The following RBBP4 variants were observed in gnomAD, a reference collection of about 807,000 sequenced individuals.
The protein encoded by RBBP4 is RB binding protein 4, chromatin remodeling factor.
RBBP4 carries 3 observed loss-of-function variants against 57.2 expected under a neutral mutation model. The ratio of observed to expected loss-of-function variants is 0.05; its 90% CI spans 0.02 to 0.14. The LOEUF is 0.14. Ranked by LOEUF, RBBP4 falls within the 10% of genes least tolerant of loss-of-function variation. The pLI is 1.00. For missense variants in RBBP4, 107 were observed against 520.6 expected, an observed-to-expected ratio of 0.21 and a Z score of 7.73; for synonymous variants, 151 against 171.5, an observed-to-expected ratio of 0.88 and a Z score of 0.93.
intron 4 of RBBP4, 88 bp downstream of exon 4, chr1:32,668,486 G>C (rs964350897): frequency 1.5e-6 from 2 of 1,313,378 alleles, no homozygotes; most frequent in Non-Finnish European, 2.1e-6. Flanking sequence ...ATGTTACTCT[G>C]TGTAATTTAA....
chr1:32,655,691 AT>A (rs1280488742), intron 2 of RBBP4, among the ~76,000 whole-genome samples: 6 of 152,150 alleles, frequency 3.9e-5, no homozygotes, highest in Non-Finnish European at 5.9e-5. Flanking sequence ...TGTAAATGGA[AT>A]TATTCCTTAC....
chr1:32,652,543 TTTTG>T (rs1369306044), intron 2 of RBBP4: 1 of 153,148 alleles, frequency 6.5e-6, no homozygotes, highest in Non-Finnish European at 1.5e-5. Flanking sequence ...AACAAAAATT[TTTTG>T]TTTTTCTTTT....
intron 3 of RBBP4, among the ~76,000 whole-genome samples, chr1:32,666,089 G>C (rs1466753031): frequency 6.6e-6 from 1 of 152,096 alleles, no homozygotes; most frequent in Non-Finnish European, 1.5e-5. Context: ...TTTCAACCAG[G>C]GACTTTTGTT....
At chr1:32,653,462 C>T (rs1402585224) in intron 2 of RBBP4, among the ~76,000 whole-genome samples, 1 of 151,804 alleles carries the variant, frequency 6.6e-6, no homozygotes, top group Non-Finnish European at 1.5e-5. Flanking sequence ...TGATGTAGCT[C>T]AACAAATGAT....
chr1:32,682,038 G>C lies in RBBP4; in HGVS notation c.*2333G>C. ...AGAATGAATGGTGATGGTGATGGGA[G>C]GGATAGTTAAACGTTTTCTCTGCTA... is the stretch of plus-strand genomic sequence containing the variant. On this transcript the variant is annotated 3_prime_UTR_variant, in exon 12 of 12. Transcript: ENST00000373493. The C allele has an allele frequency of 1.7e-6, 1 of 593,810 alleles. No individual in the cohort carries two copies. Among genetic ancestry groups the C allele is most frequent in the Non-Finnish European group, 3.0e-6 (1 of 333,432 alleles). 36.8% of individuals were successfully genotyped at this position (593,810 alleles called of 1,614,324 possible). A position where few individuals can be genotyped will look rare whatever the true frequency, so the allele number is the denominator to read the frequency against.
intron 4 of RBBP4, 60 bp downstream of exon 4, chr1:32,668,458 CACTG>C (rs1648744338): frequency 1.4e-6 from 2 of 1,449,424 alleles, no homozygotes; most frequent in Middle Eastern, 1.8e-4. Context: ...TGGTTCCACT[CACTG>C]TGAGTTTAAT....
chr1:32,681,097 C>G lies in RBBP4; in HGVS notation c.*1392C>G, dbSNP rs1236428290. The G allele has an allele frequency of 6.5e-6, 1 of 152,674 alleles. No individual in the cohort carries two copies. Among genetic ancestry groups the G allele is most frequent in the Admixed American group, 6.5e-5 (1 of 15,272 alleles). The allele number at this position is 152,674 out of a possible 1,614,324, so 9.5% of individuals were successfully genotyped here. On this transcript the variant is annotated 3_prime_UTR_variant, in exon 12 of 12. Transcript: ENST00000373493. ...GGCCTCTATCACCAGATGCAATAAC[C>G]AGATAAAATTCCTGTTTTTTCCCAA...
intron 2 of RBBP4, chr1:32,652,293 G>A (rs1570822975): frequency 2.1e-6 from 1 of 478,014 alleles, no homozygotes; most frequent in East Asian, 3.4e-5. Flanking sequence ...AATAGCTGTA[G>A]CTGATGATAA....
chr1:32,672,583 C>T, intron 9 of RBBP4, 57 bp downstream of exon 9: 1 of 1,597,214 alleles, frequency 6.3e-7, no homozygotes, highest in South Asian at 1.1e-5. Context: ...TTACACTTTG[C>T]AAAGGTAGTT....
chr1:32,651,780 T>C, intron 1 of RBBP4, 134 bp from the exon 2 acceptor site: 1 of 1,064,492 alleles, frequency 9.4e-7, no homozygotes, highest in Admixed American at 2.4e-5. Context: ...AGAGTGTGGA[T>C]GCCTCTGCCG....
intron 3 of RBBP4, 75 bp downstream of exon 3, chr1:32,657,647 C>T: frequency 6.8e-7 from 1 of 1,473,752 alleles, no homozygotes; most frequent in Non-Finnish European, 9.2e-7. Flanking sequence ...AAAGTAAACT[C>T]TGACTTTAGA....
chr1:32,669,367 G>C lies in RBBP4; in HGVS notation c.888+10G>C. ...AGGATCAGCTGACAAGGTCAGTTTCGTTTATTTTAATAGAAAACATAATTT... is the reference window on the plus strand; with the variant it reads ...AGGATCAGCTGACAAGGTCAGTTTCCTTTATTTTAATAGAAAACATAATTT... On this transcript the variant is annotated intron_variant, in intron 7 of 11. Coordinates refer to ENST00000373493, the MANE Select transcript of RBBP4 (RefSeq NM_005610.3). This position sits in a 1 kb window ranked among gnomAD's most constrained non-coding sequence, Gnocchi z 4.9. The C allele has an allele frequency of 2.5e-6, 4 of 1,589,492 alleles. No homozygotes were observed. The highest frequency in any genetic ancestry group is 3.4e-6 in the Non-Finnish European group (4 of 1,173,794).
At chr1:32,676,196 T>C (rs1649094816) in intron 11 of RBBP4, among the ~76,000 whole-genome samples, 1 of 152,078 alleles carries the variant, frequency 6.6e-6, no homozygotes, top group Admixed American at 6.6e-5. Context: ...AAGAAAGAAG[T>C]ACGGTTAGGG....
Position 32,651,897 on chromosome 1 carries a change from G to A in RBBP4, c.17-17G>A. On this transcript the variant is annotated splice_polypyrimidine_tract_variant and intron_variant, in intron 1 of 11. Coordinates refer to ENST00000373493, the MANE Select transcript of RBBP4 (RefSeq NM_005610.3). Reference sequence around the variant, plus strand: ...TCCGTTTGTTTGCTAACTTAAATTTGTTTTTAAAAATTTTAGCAGCCTTCG... The same window carrying A: ...TCCGTTTGTTTGCTAACTTAAATTTATTTTTAAAAATTTTAGCAGCCTTCG... 1 of 1,612,698 alleles carries A rather than the reference G, an allele frequency of 6.2e-7. No individual in the cohort carries two copies. The highest frequency in any genetic ancestry group is 8.5e-7 in the Non-Finnish European group (1 of 1,179,394).
At chr1:32,674,339 T>G (rs1649004877) in intron 11 of RBBP4, among the ~76,000 whole-genome samples, 1 of 152,084 alleles carries the variant, frequency 6.6e-6, no homozygotes, top group Non-Finnish European at 1.5e-5. Context: ...GCTCAAGACA[T>G]CCTCCTACCT....
intron 11 of RBBP4, among the ~76,000 whole-genome samples, chr1:32,677,483 A>AAAC (rs1649154295): frequency 7.5e-6 from 1 of 133,796 alleles, no homozygotes; most frequent in South Asian, 2.4e-4. Flanking sequence ...AAAAAAAAAC[A>AAAC]AAACAAAAAA....
chr1:32,678,233 T>TG (rs1394054211), intron 11 of RBBP4, among the ~76,000 whole-genome samples: 1 of 152,194 alleles, frequency 6.6e-6, no homozygotes, highest in African/African-American at 2.4e-5. Flanking sequence ...TTGCCTGTTT[T>TG]GGACCCCTGT....
Position 32,684,183 on chromosome 1 carries a change from TA to T in RBBP4, c.*4482del. The stretch of plus-strand genomic sequence containing the variant: ...CCTCTTTTTGTTTTTGATTCTAAGG[TA>T]AAATTTTCCCTAAGCCCTCCCACCA... On this transcript the variant is annotated 3_prime_UTR_variant, in exon 12 of 12. Transcript: ENST00000373493. The T allele has an allele frequency of 6.2e-7, 1 of 1,605,796 alleles. No homozygotes were observed. Among genetic ancestry groups the T allele is most frequent in the Non-Finnish European group, 8.5e-7 (1 of 1,174,758 alleles).
In RBBP4 at chr1:32,670,748, T is replaced by C. The variant is rs541798280; in HGVS notation, c.966+1185T>C. On this transcript the variant is annotated intron_variant, in intron 8 of 11. Transcript: ENST00000373493. ...CCACCACGCCCAGCCGAGCCCAAAA[T>C]TTTATAGTGAGGGAGGGCTTGTTTA... Among the ~76,000 whole-genome samples, 8 of 152,270 alleles carry C rather than the reference T, an allele frequency of 5.3e-5. No individual in the cohort carries two copies. The East Asian group carries it at 1.4e-3, about 26-fold the overall frequency.
Sources: allele counts gnomAD v4.1 joint callset (sites outside exome capture counted in the v4.1 genomes callset), GRCh38; gene constraint gnomAD v4.1.1; non-coding constraint Gnocchi (gnomAD v3.1); transcripts MANE v1.5; gene names NCBI Gene and HGNC (gene_info 2026-07-23, HGNC 2026-07-21).